Variants in DNHD1 observed in about 807,000 individuals in gnomAD.
DNHD1 encodes dynein heavy chain domain 1.
DNHD1 carries 383 observed loss-of-function variants against 458.1 expected under a neutral mutation model. The observed-to-expected ratio is 0.84, with a 90% CI of 0.77 to 0.91. DNHD1 has a LOEUF of 0.91. Ranked by LOEUF, DNHD1 falls within the 40% of genes least tolerant of loss-of-function variation. The pLI, the probability that DNHD1 is intolerant of heterozygous loss-of-function variation, is 0.00. For missense variants in DNHD1, 5,336 were observed against 5,866.1 expected (o/e 0.91, Z 2.95); for synonymous variants, 2,203 against 2,376.9 (o/e 0.93, Z 2.13).
chr11:6,528,461 G>T, intron 10 of DNHD1, 61 bp from the exon 11 acceptor site: 2 of 1,494,580 alleles, frequency 1.3e-6, no homozygotes, highest in African/African-American at 1.4e-5. Flanking sequence ...CAAGGAGAAA[G>T]GAAGATTGTT....
chr11:6,505,569 A>G lies in DNHD1; in HGVS notation c.920+2643A>G, dbSNP rs1852214991. Among the ~76,000 whole-genome samples the G allele has an allele frequency of 6.6e-6, 1 of 152,128 alleles. No individual in the cohort carries two copies. Among genetic ancestry groups the G allele is most frequent in the South Asian group, 2.1e-4 (1 of 4,820 alleles). ...CGCCTGGCCTCGACATCTTTTTAAA[A>G]ACACATTCTCTTTATTAAATTCACT... On this transcript the variant is annotated intron_variant, in intron 4 of 42. Transcript: ENST00000254579. This position sits in a 1 kb window ranked among gnomAD's most constrained non-coding sequence, Gnocchi z 4.4.
chr11:6,521,072 A>G (rs2134396849), intron 10 of DNHD1, among the ~76,000 whole-genome samples: 2 of 152,344 alleles, frequency 1.3e-5, no homozygotes, highest in Admixed American at 1.3e-4. Flanking sequence ...GATAGAGACT[A>G]TTGATATTTG....
At chr11:6,539,086 T>G in intron 16 of DNHD1, 133 bp from the exon 17 acceptor site, 1 of 696,078 alleles carries the variant, frequency 1.4e-6, no homozygotes, top group Non-Finnish European at 2.4e-6. Context: ...AGCTGTTGGC[T>G]CTGTGTTGTG....
rs1394935944 is a variant in DNHD1, at chr11:6,571,433, C to T, written c.13911+10C>T. Reference sequence around the variant, plus strand: ...CCCTCTGCACTTCAGGGTATCTTCGCGCCGCCCCTCGTTCGCGGTTCCAGT... The same window carrying T: ...CCCTCTGCACTTCAGGGTATCTTCGTGCCGCCCCTCGTTCGCGGTTCCAGT... On this transcript the variant is annotated intron_variant, in intron 42 of 42. Coordinates refer to ENST00000254579, the MANE Select transcript of DNHD1 (RefSeq NM_144666.3). This position sits in a 1 kb window ranked among gnomAD's most constrained non-coding sequence, Gnocchi z 5.0. 1.9e-6 allele frequency: 3 copies of T among 1,570,018 alleles called. No individual in the cohort carries two copies. Among genetic ancestry groups the T allele is most frequent in the Middle Eastern group, 3.4e-4 (2 of 5,928 alleles).
rs1416871879 is a variant in DNHD1 at position 6,545,117 on chromosome 11, C to T, written c.4178C>T (p.Ala1393Val). 5 of 1,552,170 alleles carry T rather than the reference C, an allele frequency of 3.2e-6. No individual in the cohort carries two copies. The highest frequency in any genetic ancestry group is 2.0e-5 in the Admixed American group (1 of 51,014). Residue 1393 changes from alanine (A) to valine (V), a missense_variant, in exon 21 of 43, where the codon GCT becomes GTT. Transcript: ENST00000254579. This position sits in a 1 kb window ranked among gnomAD's most constrained non-coding sequence, Gnocchi z 4.9. ...WVRRCFPHVH[A>V]VSFRSCPTGE... ...CGACGCTGCTTTCCTCATGTGCATG[C>T]TGTGAGCTTCAGGTCTTGCCCAACT...
rs1853217497 is a variant in DNHD1, at chr11:6,546,342, T to C, written c.5403T>C (p.Tyr1801=). ...EKHHVSVRLG[Y]GCLLVLRALS... ...ATCACGTGTCTGTGCGCCTTGGCTA[T>C]GGCTGTCTCCTGGTACTGCGTGCCC... Residue 1801 remains tyrosine, a synonymous_variant, in exon 21 of 43, where the codon TAT becomes TAC. Transcript: ENST00000254579. 1.3e-6 allele frequency: 2 copies of C among 1,552,274 alleles called. No homozygotes were observed. Among genetic ancestry groups the C allele is most frequent in the East Asian group, 2.4e-5 (1 of 40,936 alleles).
At position 6,545,155 on chromosome 11, in the gene DNHD1, A is replaced by G. The variant is rs1853181364; in HGVS notation, c.4216A>G (p.Thr1406Ala). Residue 1406 changes from threonine (T) to alanine (A), a missense_variant, in exon 21 of 43, where the codon ACA becomes GCA. Physicochemically the swap from Thr to Ala is moderately conservative, Grantham distance 58. Around this residue, in one of 4 missense-constraint regions of DNHD1, gnomAD observed 3,932 missense variants for 4,365.6 expected, o/e 0.90. Transcript: ENST00000254579. This position sits in a 1 kb window ranked among gnomAD's most constrained non-coding sequence, Gnocchi z 4.9. Reference protein sequence around the residue: ...FRSCPTGEKNTDDWESSPNTQ... With the variant: ...FRSCPTGEKNADDWESSPNTQ... ...GTCTTGCCCAACTGGTGAGAAAAAC[A>G]CAGATGACTGGGAGTCAAGCCCAAA... 6.4e-7 allele frequency: 1 copy of G among 1,552,132 alleles called. No homozygotes were observed. The highest frequency in any genetic ancestry group is 8.7e-7 in the Non-Finnish European group (1 of 1,147,082).
intron 3 of DNHD1, 31 bp downstream of exon 3, chr11:6,498,992 C>G (rs1228406650): frequency 2.0e-6 from 3 of 1,536,284 alleles, no homozygotes; most frequent in East Asian, 4.5e-5. Context: ...AGGGCTTGAG[C>G]AGAGGAGAAA....
In DNHD1 at chr11:6,570,097, G is replaced by A. The variant is rs1853806031; in HGVS notation, c.12952G>A (p.Ala4318Thr). Residue 4318 changes from alanine to threonine, a missense_variant, in exon 40 of 43, where the codon GCT (alanine) becomes ACT (threonine). This residue lies in a region of DNHD1 where 698 missense variants were observed against 664.9 expected (regional missense o/e 1.05). Coordinates refer to ENST00000254579, the MANE Select transcript of DNHD1 (RefSeq NM_144666.3). ...TCCCCGTGCTGCCATGCAAGAGCTG[G>A]CTGGTGAGACCCTTCCTCTCCCCCT... ...SNPRAAMQEL[A>T]ASVFYGGPLG... The A allele has an allele frequency of 6.2e-7, 1 of 1,613,810 alleles. No individual in the cohort carries two copies. The highest frequency in any genetic ancestry group is 1.7e-5 in the Admixed American group (1 of 59,986).
chr11:6,568,747 A>C lies in DNHD1; in HGVS notation c.12744A>C (p.Leu4248=), dbSNP rs764010032. The C allele has an allele frequency of 4.3e-6, 7 of 1,613,652 alleles. No homozygotes were observed. In the South Asian group the frequency reaches 6.6e-5, roughly 15 times the overall value. The change falls in exon 39 of 43, where the codon CTA becomes CTC. Residue 4248 remains leucine (L), a synonymous_variant. Coordinates refer to ENST00000254579, the MANE Select transcript of DNHD1 (RefSeq NM_144666.3). ...ATGTTTTGATTGACAGTGTGGAGCT[A>C]GCCCAGCAAGTACTCTACATGCAAC... The part of the protein sequence containing the change: ...LGHVLIDSVE[L]AQQVLYMQPP...
At chr11:6,550,016 A>G (rs1853306176) in intron 24 of DNHD1, among the ~76,000 whole-genome samples, 1 of 152,236 alleles carries the variant, frequency 6.6e-6, no homozygotes, top group Non-Finnish European at 1.5e-5. Context: ...TGGATAGGCT[A>G]TCCAGTTAAA....
chr11:6,502,810 C>G lies in DNHD1; in HGVS notation c.804C>G (p.Gly268=). The change falls in exon 4 of 43, where the codon GGC becomes GGG. Residue 268 remains glycine, a synonymous_variant. Transcript: ENST00000254579. ...REKAFQKSST[G]FSPETSFLDS... ...AGGCCTTCCAAAAGAGCAGCACCGG[C>G]TTTTCACCTGAGACTTCCTTCCTGG... The G allele has an allele frequency of 1.2e-6, 2 of 1,612,862 alleles. No individual in the cohort carries two copies. Among genetic ancestry groups the G allele is most frequent in the Non-Finnish European group, 1.7e-6 (2 of 1,179,464 alleles).
chr11:6,536,583 T>C (rs997294401), intron 14 of DNHD1, among the ~76,000 whole-genome samples: 2 of 152,196 alleles, frequency 1.3e-5, no homozygotes, highest in African/African-American at 2.4e-5. Flanking sequence ...ATAAACAGTA[T>C]AGATATATAT....
rs556618676 is a variant in DNHD1 at position 6,498,648 on chromosome 11, T to C, written c.433T>C (p.Ser145Pro). ...AGACAGCTCTTTGTTAGACAGTGCT[T>C]CCCATGCTGACTGCTGTCCCCAGAA... ...PPDSSLLDSASHADCCPQKRR... is the reference protein window; with the variant it reads ...PPDSSLLDSAPHADCCPQKRR... Residue 145 changes from serine (S) to proline (P), a missense_variant, in exon 3 of 43, where the codon TCC (serine) becomes CCC (proline). Physicochemically the swap from Ser to Pro is moderately conservative, Grantham distance 74. Transcript: ENST00000254579. 2.7e-5 allele frequency: 43 copies of C among 1,614,208 alleles called. No homozygotes were observed. The South Asian group carries it at 4.7e-4, about 18-fold the overall frequency.
At chr11:6,535,868 C>G (rs1852937099) in intron 14 of DNHD1, among the ~76,000 whole-genome samples, 1 of 151,952 alleles carries the variant, frequency 6.6e-6, no homozygotes, top group Non-Finnish European at 1.5e-5. Flanking sequence ...AATATTTGCA[C>G]TGTCTTTGAG....
In DNHD1 at chr11:6,567,789, C is replaced by T; in HGVS notation, c.12280C>T (p.Pro4094Ser). The T allele has an allele frequency of 1.2e-6, 2 of 1,613,910 alleles. No homozygotes were observed. The change falls in exon 36 of 43, where the codon CCG becomes TCG. Residue 4094 changes from proline to serine, a missense_variant. Pro to Ser is a moderately conservative substitution (Grantham distance 74). Coordinates refer to ENST00000254579, the MANE Select transcript of DNHD1 (RefSeq NM_144666.3). ...ATQPMLILLPPPGHPSATLHP... is the reference protein window; with the variant it reads ...ATQPMLILLPSPGHPSATLHP... Reference sequence around the variant, plus strand: ...TCAGCCCATGCTGATCTTGTTGCCACCGCCTGGCCACCCCTCAGCCACTCT... The same window carrying T: ...TCAGCCCATGCTGATCTTGTTGCCATCGCCTGGCCACCCCTCAGCCACTCT...
rs1046414141 is a variant in DNHD1 at position 6,519,868 on chromosome 11, T to C, written c.1647+14T>C. On this transcript the variant is annotated intron_variant, in intron 8 of 42. Transcript: ENST00000254579. The stretch of plus-strand genomic sequence containing the variant: ...AACATCCTTCAAGTGAGGTGGTGGG[T>C]GGCATGTGTGGAGGTGGCAGGCAGT... 6 of 1,612,700 alleles carry C rather than the reference T, an allele frequency of 3.7e-6. No individual in the cohort carries two copies. In the South Asian group the frequency reaches 5.5e-5, roughly 15 times the overall value.
Position 6,547,471 on chromosome 11 carries a change from C to T in DNHD1, c.6532C>T (p.Leu2178Phe). The T allele has an allele frequency of 6.4e-7, 1 of 1,551,004 alleles. No individual in the cohort carries two copies. The highest frequency in any genetic ancestry group is 8.7e-7 in the Non-Finnish European group (1 of 1,146,378). The change falls in exon 21 of 43, where the codon CTC becomes TTC. Residue 2178 changes from leucine (L) to phenylalanine (F), a missense_variant. Leu to Phe is a conservative substitution (Grantham distance 22). Around this residue, in one of 4 missense-constraint regions of DNHD1, gnomAD observed 3,932 missense variants for 4,365.6 expected, o/e 0.90. Transcript: ENST00000254579. ...CCTGCAGCACCGGACAGTCGCTGAGCTCAACCACATGGCTGAGGTTCTGGT... is the reference window on the plus strand; with the variant it reads ...CCTGCAGCACCGGACAGTCGCTGAGTTCAACCACATGGCTGAGGTTCTGGT... ...YRLQHRTVAELNHMAEVLVPA... is the reference protein window; with the variant it reads ...YRLQHRTVAEFNHMAEVLVPA...
intron 14 of DNHD1, 107 bp downstream of exon 14, chr11:6,534,280 T>C: frequency 8.4e-7 from 1 of 1,192,574 alleles, no homozygotes; most frequent in South Asian, 1.6e-5. Flanking sequence ...CAAGCAAGCC[T>C]TGGGAATCAC....
Sources: gnomAD v4.1 joint callset for allele counts (sites outside exome capture counted in the v4.1 genomes callset) on GRCh38, gnomAD v4.1.1 for gene constraint, gnomAD v4.1.1 regional missense constraint, Gnocchi (gnomAD v3.1) non-coding constraint, MANE v1.5 for transcripts, NCBI Gene and HGNC (gene_info 2026-07-23, HGNC 2026-07-21) for gene names.